P4HB: variants seen among roughly 807,000 people sequenced by gnomAD.
The protein encoded by P4HB is prolyl 4-hydroxylase subunit beta.
P4HB carries 20 observed loss-of-function variants against 52.6 expected under a neutral mutation model. The observed-to-expected ratio is 0.38, with a 90% CI of 0.27 to 0.55. The LOEUF is 0.55. Ranked by LOEUF, P4HB falls within the 20% of genes least tolerant of loss-of-function variation. The probability of loss-of-function intolerance (pLI) is 0.74; values close to 1 mark genes in which losing one functional copy is unlikely to be tolerated. For synonymous variants in P4HB, 296 were observed against 277.9 expected, an observed-to-expected ratio of 1.07 and a Z score of -0.65; for missense variants, 601 against 669.2, an observed-to-expected ratio of 0.90 and a Z score of 1.12.
chr17:81,860,204 G>A, intron 1 of P4HB, 123 bp downstream of exon 1: 2 of 790,706 alleles, frequency 2.5e-6, no homozygotes, highest in South Asian at 3.6e-5. Context: ...GGGCAGCAAG[G>A]GAGCCCTTCA....
At position 81,845,160 on chromosome 17, in the gene P4HB, C is replaced by G; in HGVS notation, c.1430G>C (p.Gly477Ala). 6.2e-7 allele frequency: 1 copy of G among 1,613,168 alleles called. No homozygotes were observed. The highest frequency in any genetic ancestry group is 8.5e-7 in the Non-Finnish European group (1 of 1,179,270). ...CCCACTCACGTCATCATCCCCTGCC[C>G]CATCCTGGCCACCGCTCTCCAGGAA... ...KKFLESGGQD[G>A]AGDDDDLEDL... Residue 477 changes from glycine to alanine, a missense_variant, in exon 10 of 11, where the codon GGG (glycine) becomes GCG (alanine). Physicochemically the swap from Gly to Ala is moderately conservative, Grantham distance 60 (BLOSUM62 0). Coordinates refer to ENST00000331483, the MANE Select transcript of P4HB (RefSeq NM_000918.4).
intron 2 of P4HB, 30 bp downstream of exon 2, chr17:81,859,151 G>A (rs1260312272): frequency 1.9e-6 from 3 of 1,600,944 alleles, no homozygotes; most frequent in Non-Finnish European, 1.7e-6. Flanking sequence ...CCTCTCTAAA[G>A]ACAGTTCAAG....
At chr17:81,848,091 T>C (rs1230905115) in intron 4 of P4HB, among the ~76,000 whole-genome samples, 2 of 152,132 alleles carry the variant, frequency 1.3e-5, no homozygotes, top group Non-Finnish European at 2.9e-5. Context: ...TTAGTAGAGA[T>C]GGGTTTCACC....
rs1226235061 is a variant in P4HB at position 81,843,666 on chromosome 17, CAAAAAGAGGAG to C, written c.*335_*345del. 2.2e-6 allele frequency: 1 copy of C among 444,668 alleles called. No individual in the cohort carries two copies. Among genetic ancestry groups the C allele is most frequent in the Non-Finnish European group, 4.0e-6 (1 of 252,584 alleles). The allele number at this position is 444,668 out of a possible 1,614,324, so 27.5% of individuals were successfully genotyped here. On this transcript the variant is annotated 3_prime_UTR_variant, in exon 11 of 11. Transcript: ENST00000331483. ...CTAAAAATCCCACAGACGGAATTTT[CAAAAAGAGGAG>C]AAACCTCCCGCGGGAGGGAGGCAGC...
rs2038979021 is a variant in P4HB at position 81,860,300 on chromosome 17, C to T, written c.145+27G>A. The T allele has an allele frequency of 2.8e-6, 4 of 1,413,518 alleles. No homozygotes were observed. The African/African-American group carries it at 6.0e-5, about 21-fold the overall frequency. The allele number at this position is 1,413,518 out of a possible 1,614,324, so 87.6% of individuals were successfully genotyped here. Reference sequence around the variant, plus strand: ...AGCCTGGCTCAGCGGCCCCGAGCCCCGCCCGCCCGCCAGGCCCGGCGCTCA... The same window carrying T: ...AGCCTGGCTCAGCGGCCCCGAGCCCTGCCCGCCCGCCAGGCCCGGCGCTCA... On this transcript the variant is annotated intron_variant, in intron 1 of 10. Coordinates refer to ENST00000331483, the MANE Select transcript of P4HB (RefSeq NM_000918.4).
Position 81,846,529 on chromosome 17 carries a change from G to A in P4HB, c.956C>T (p.Thr319Ile), listed in dbSNP as rs759865202. 4.3e-6 allele frequency: 7 copies of A among 1,613,872 alleles called. No homozygotes were observed. Among genetic ancestry groups the A allele is most frequent in the Non-Finnish European group, 1.7e-6 (2 of 1,179,952 alleles). Residue 319 changes from threonine to isoleucine, a missense_variant, in exon 7 of 11, where the codon ACC becomes ATC. Physicochemically the swap from Thr to Ile is moderately conservative, Grantham distance 89. Coordinates refer to ENST00000331483, the MANE Select transcript of P4HB (RefSeq NM_000918.4). The surrounding 1 kb of genome is among the most constrained non-coding windows in gnomAD (Gnocchi z 5.7). Reference protein sequence around the residue: ...KEECPAVRLITLEEEMTKYKP... With the variant: ...KEECPAVRLIILEEEMTKYKP... ...GTACTTGGTCATCTCCTCCTCCAGG[G>A]TGATGAGGCGCACGGCCGGGCACTC...
At position 81,846,221 on chromosome 17, in the gene P4HB, G is replaced by GCCGTGACC; in HGVS notation, c.1056+207_1056+208insGGTCACGG. ...TCGCCGGCCAGGAGGTTTCCCTGAGGAGCATCTGGGCCAGCCGTGTGGACA... is the reference window on the plus strand; with the variant it reads ...TCGCCGGCCAGGAGGTTTCCCTGAGGCCGTGACCAGCATCTGGGCCAGCCGTGTGGACA... On this transcript the variant is annotated intron_variant, in intron 7 of 10. Coordinates refer to ENST00000331483, the MANE Select transcript of P4HB (RefSeq NM_000918.4). The surrounding 1 kb of genome is among the most constrained non-coding windows in gnomAD (Gnocchi z 5.7). The GCCGTGACC allele has an allele frequency of 1.4e-6, 1 of 722,896 alleles. No individual in the cohort carries two copies. Among genetic ancestry groups the GCCGTGACC allele is most frequent in the East Asian group, 2.7e-5 (1 of 36,974 alleles). 44.8% of individuals were successfully genotyped at this position (722,896 alleles called of 1,614,324 possible).
chr17:81,849,825 TA>T (rs1295686471), intron 4 of P4HB, among the ~76,000 whole-genome samples: 1 of 150,332 alleles, frequency 6.7e-6, no homozygotes, highest in African/African-American at 2.5e-5. Context: ...TTTTAAAATT[TA>T]TTTATTTTTT....
intron 4 of P4HB, chr17:81,847,875 T>G (rs958403472): frequency 6.4e-6 from 1 of 156,020 alleles, no homozygotes; most frequent in African/African-American, 2.4e-5. Flanking sequence ...CGAGATGGGG[T>G]ATTACCATGT....
chr17:81,860,203 G>C, intron 1 of P4HB, 124 bp downstream of exon 1: 2 of 788,394 alleles, frequency 2.5e-6, no homozygotes, highest in Non-Finnish European at 1.8e-6. Flanking sequence ...CGGGCAGCAA[G>C]GGAGCCCTTC....
At chr17:81,854,334 G>A (rs2038880442) in intron 4 of P4HB, among the ~76,000 whole-genome samples, 1 of 150,708 alleles carries the variant, frequency 6.6e-6, no homozygotes, top group Non-Finnish European at 1.5e-5. Context: ...GAGCTCAGGA[G>A]TTCAAGACCA....
At chr17:81,859,479 C>G in intron 1 of P4HB, 92 bp from the exon 2 acceptor site, 3 of 1,147,084 alleles carry the variant, frequency 2.6e-6, no homozygotes, top group Non-Finnish European at 3.9e-6. Context: ...TCTGGCATTT[C>G]CCTTCATAAA....
rs1364045076 is a variant in P4HB, at chr17:81,846,361, A to C, written c.1056+68T>G. 25 of 1,411,616 alleles carry C rather than the reference A, an allele frequency of 1.8e-5. No homozygotes were observed. The highest frequency in any genetic ancestry group is 2.4e-5 in the Non-Finnish European group (24 of 1,001,510). 87.4% of individuals were successfully genotyped at this position (1,411,616 alleles called of 1,614,324 possible). A position where few individuals can be genotyped will look rare whatever the true frequency, so the allele number is the denominator to read the frequency against. On this transcript the variant is annotated intron_variant, in intron 7 of 10. Transcript: ENST00000331483. This position sits in a 1 kb window ranked among gnomAD's most constrained non-coding sequence, Gnocchi z 5.7. ...TTTGAGGACGAAGCCCAGGACACTG[A>C]GAGCCCAGAGACCCCAAGGTGGCGG...
chr17:81,850,729 C>T (rs955148046), intron 4 of P4HB, among the ~76,000 whole-genome samples: 1 of 151,566 alleles, frequency 6.6e-6, no homozygotes, highest in African/African-American at 2.4e-5. Context: ...GTGATCTGCC[C>T]GCCTTGGCCT....
intron 10 of P4HB, among the ~76,000 whole-genome samples, chr17:81,844,913 C>G (rs930636747): frequency 9.2e-5 from 14 of 152,386 alleles, no homozygotes; most frequent in Admixed American, 9.1e-4. Context: ...TTTAAAGATG[C>G]CTTCAACGTC....
At position 81,855,729 on chromosome 17, in the gene P4HB, G is replaced by GGCCCGGTGCCGTCC. The variant is rs2038903886; in HGVS notation, c.353-157_353-144dup. 1.0e-6 allele frequency: 1 copy of GGCCCGGTGCCGTCC among 961,508 alleles called. No homozygotes were observed. Among genetic ancestry groups the GGCCCGGTGCCGTCC allele is most frequent in the African/African-American group, 1.6e-5 (1 of 60,736 alleles). The allele number at this position is 961,508 out of a possible 1,614,324, so 59.6% of individuals were successfully genotyped here. On this transcript the variant is annotated intron_variant, in intron 2 of 10. Coordinates refer to ENST00000331483, the MANE Select transcript of P4HB (RefSeq NM_000918.4). The surrounding 1 kb of genome is among the most constrained non-coding windows in gnomAD (Gnocchi z 4.3). ...TAAGATGTTCTCCCACCATGGAAGA[G>GGCCCGGTGCCGTCC]GCCCGGTGCCGTCCGCCCGCCTCCT...
chr17:81,847,115 T>C (rs2143321807), intron 5 of P4HB, 43 bp from the exon 6 acceptor site: 1 of 1,612,828 alleles, frequency 6.2e-7, no homozygotes, highest in East Asian at 2.2e-5. Context: ...TCACACACTA[T>C]TAATGCAGAA....
Position 81,843,968 on chromosome 17 carries a change from A to T in P4HB, c.*44T>A. Reference sequence around the variant, plus strand: ...AGGCGTGCGCTGCTGCTGGGTGTGCAGCCCCCGAGGGGTCTCGGCAGCGCC... The same window carrying T: ...AGGCGTGCGCTGCTGCTGGGTGTGCTGCCCCCGAGGGGTCTCGGCAGCGCC... On this transcript the variant is annotated 3_prime_UTR_variant, in exon 11 of 11. Transcript: ENST00000331483. 1 of 1,407,306 alleles carries T rather than the reference A, an allele frequency of 7.1e-7. No homozygotes were observed. The highest frequency in any genetic ancestry group is 1.0e-6 in the Non-Finnish European group (1 of 992,188). 87.2% of individuals were successfully genotyped at this position (1,407,306 alleles called of 1,614,324 possible). A position where few individuals can be genotyped will look rare whatever the true frequency, so the allele number is the denominator to read the frequency against.
chr17:81,854,419 G>A lies in P4HB; in HGVS notation c.624+723C>T, dbSNP rs149951431. On this transcript the variant is annotated intron_variant, in intron 4 of 10. Transcript: ENST00000331483. The stretch of plus-strand genomic sequence containing the variant: ...CAGCCCAGCGTGGTGGCACGCGCCT[G>A]TAGTTCCAGCTGCTCGGGAGGCTGA... Among the ~76,000 whole-genome samples, 21 of 152,212 alleles carry A rather than the reference G, an allele frequency of 1.4e-4. No individual in the cohort carries two copies. The East Asian group carries it at 3.9e-3, about 28-fold the overall frequency.
Sources: allele counts gnomAD v4.1 joint callset (sites outside exome capture counted in the v4.1 genomes callset), GRCh38; gene constraint gnomAD v4.1.1; non-coding constraint Gnocchi (gnomAD v3.1); transcripts MANE v1.5; gene names NCBI Gene and HGNC (gene_info 2026-07-23, HGNC 2026-07-21).